Variants in NUP210L observed in about 807,000 individuals in gnomAD.
The protein encoded by NUP210L is nuclear pore membrane glycoprotein 210-like.
A neutral mutation model predicts 208.5 loss-of-function variants in NUP210L; 74 were observed. That is an observed-to-expected ratio of 0.35 (90% CI 0.29 to 0.43). The LOEUF (loss-of-function observed/expected upper bound fraction) is 0.43. Ranked by LOEUF, NUP210L falls within the 20% of genes least tolerant of loss-of-function variation. NUP210L has a pLI of 1.00. For missense variants in NUP210L, 1,843 were observed against 2,289.4 expected, an observed-to-expected ratio of 0.81 and a Z score of 3.98; for synonymous variants, 780 against 816.9, an observed-to-expected ratio of 0.95 and a Z score of 0.77.
At chr1:154,109,319 G>A (rs1290413105) in intron 12 of NUP210L, among the ~76,000 whole-genome samples, 2 of 151,468 alleles carry the variant, frequency 1.3e-5, no homozygotes, top group African/African-American at 4.9e-5. Flanking sequence ...AATGATAAAG[G>A]GGTCAATTCA....
chr1:154,025,991 G>C (rs1347736354), intron 29 of NUP210L, among the ~76,000 whole-genome samples: 1 of 152,084 alleles, frequency 6.6e-6, no homozygotes, highest in Non-Finnish European at 1.5e-5. Context: ...GGGAGGCCAA[G>C]GCGGGAGGAT....
chr1:154,056,946 G>C, exon 23 of NUP210L: 1 of 1,608,230 alleles, frequency 6.2e-7, no homozygotes, highest in South Asian at 1.1e-5. Context: ...TGCTCCATTG[G>C]TCTGCAAAAA....
chr1:154,070,309 C>A (rs761493484), exon 17 of NUP210L: 1 of 1,610,788 alleles, frequency 6.2e-7, no homozygotes, highest in African/African-American at 1.3e-5. Context: ...TCATCTTTTG[C>A]TACCATTTCC....
chr1:154,016,752 T>A (rs922893350), intron 33 of NUP210L, among the ~76,000 whole-genome samples: 2 of 152,080 alleles, frequency 1.3e-5, no homozygotes, highest in African/African-American at 2.4e-5. Flanking sequence ...GAGACCAGCA[T>A]GGGCAACATG....
At chr1:154,154,808 A>G (rs756028344) in intron 1 of NUP210L, 34 bp downstream of exon 1, 1 of 1,524,852 alleles carries the variant, frequency 6.6e-7, no homozygotes, top group Non-Finnish European at 9.1e-7. Context: ...GATGGTAGTG[A>G]GGGTGCATAT....
chr1:154,154,871 C>T, exon 1 of NUP210L: 8 of 1,614,198 alleles, frequency 5.0e-6, no homozygotes, highest in Non-Finnish European at 5.9e-6. Context: ...GGGCCTCCAG[C>T]AGGAAAGGCA....
rs189349261 is a variant in NUP210L, at chr1:154,037,708, G to A, written c.3697-7654C>T. Among the ~76,000 whole-genome samples the A allele has an allele frequency of 8.6e-5, 13 of 151,662 alleles. No individual in the cohort carries two copies. In the East Asian group the frequency reaches 1.9e-3, roughly 23 times the overall value. On this transcript the variant is annotated intron_variant, in intron 27 of 39. Transcript: ENST00000368559. ...TTTTTGAGATGGAGACTTGCTCCTCGCCCAGGCTGGAGTGCAGTGGCGTGA... is the reference window on the plus strand; with the variant it reads ...TTTTTGAGATGGAGACTTGCTCCTCACCCAGGCTGGAGTGCAGTGGCGTGA...
intron 6 of NUP210L, among the ~76,000 whole-genome samples, chr1:154,137,420 T>C (rs1658603520): frequency 6.6e-6 from 1 of 151,696 alleles, no homozygotes; most frequent in African/African-American, 2.4e-5. Context: ...GGCATGGTGG[T>C]GCACACCTGT....
intron 16 of NUP210L, among the ~76,000 whole-genome samples, chr1:154,075,936 T>C (rs1442558204): frequency 6.6e-6 from 1 of 151,710 alleles, no homozygotes; most frequent in Non-Finnish European, 1.5e-5. Flanking sequence ...ACTACAGGCA[T>C]GCACCACCAT....
chr1:154,139,748 G>T (rs149587439), intron 5 of NUP210L, 54 bp downstream of exon 5: 1 of 1,369,268 alleles, frequency 7.3e-7, no homozygotes, highest in Non-Finnish European at 1.0e-6. Context: ...AACAGAGTTA[G>T]ACCATATCTT....
At chr1:154,103,738 A>C (rs894985548) in intron 13 of NUP210L, among the ~76,000 whole-genome samples, 1 of 152,048 alleles carries the variant, frequency 6.6e-6, no homozygotes, top group Non-Finnish European at 1.5e-5. Context: ...AAAAACAAAC[A>C]AACAAAAAAC....
At chr1:154,120,596 T>C (rs1657567507) in intron 10 of NUP210L, among the ~76,000 whole-genome samples, 1 of 149,060 alleles carries the variant, frequency 6.7e-6, no homozygotes, top group Non-Finnish European at 1.5e-5. Flanking sequence ...CTGCACATTG[T>C]GCACATGTAC....
At chr1:154,107,736 G>T (rs535101687) in intron 12 of NUP210L, among the ~76,000 whole-genome samples, 1 of 151,834 alleles carries the variant, frequency 6.6e-6, no homozygotes, top group African/African-American at 2.4e-5. Context: ...GCATGGTGGC[G>T]CATGCTATAA....
Position 154,129,412 on chromosome 1 carries a change from AAAAC to A in NUP210L, c.1010-71_1010-68del, listed in dbSNP as rs1446674779. ...TGAAAAGGTGAGGTACCAAAGGAGA[AAAAC>A]AAACAAACAAACAAATGCACAAATG... is the stretch of plus-strand genomic sequence containing the variant. On this transcript the variant is annotated intron_variant, in intron 7 of 39. Transcript: ENST00000368559. 1.8e-4 allele frequency: 170 copies of A among 925,456 alleles called. 2 individuals carry two copies. The highest frequency in any genetic ancestry group is 1.4e-3 in the South Asian group (97 of 70,716). The allele number at this position is 925,456 out of a possible 1,614,324, so 57.3% of individuals were successfully genotyped here.
chr1:154,053,913 T>C (rs937977592), intron 25 of NUP210L, among the ~76,000 whole-genome samples: 1 of 152,228 alleles, frequency 6.6e-6, no homozygotes, highest in African/African-American at 2.4e-5. Context: ...GTCTTGGCAA[T>C]GTACCCCATA....
rs1478428259 is a variant in NUP210L, at chr1:154,012,495, T to C, written c.4654-125A>G. 44 of 858,098 alleles carry C rather than the reference T, an allele frequency of 5.1e-5. No individual in the cohort carries two copies. The South Asian group carries it at 7.9e-4, about 15-fold the overall frequency. 53.2% of individuals were successfully genotyped at this position (858,098 alleles called of 1,614,324 possible). Reference sequence around the variant, plus strand: ...TCACACAAGTACAGATTCCATCTCATGACCACATATTTGAGAACAACAAAA... The same window carrying C: ...TCACACAAGTACAGATTCCATCTCACGACCACATATTTGAGAACAACAAAA... On this transcript the variant is annotated intron_variant, in intron 33 of 39. Transcript: ENST00000368559.
rs1651596425 is a variant in NUP210L, at chr1:154,022,038, G to A, written c.4516+88C>T. 2.5e-6 allele frequency: 3 copies of A among 1,206,978 alleles called. No homozygotes were observed. The African/African-American group carries it at 4.5e-5, about 18-fold the overall frequency. 74.8% of individuals were successfully genotyped at this position (1,206,978 alleles called of 1,614,324 possible). ...GTATAAACCACTATACCAGTCCAAGGGATTAATAACTGCTTTTTTTTTTAA... is the reference window on the plus strand; with the variant it reads ...GTATAAACCACTATACCAGTCCAAGAGATTAATAACTGCTTTTTTTTTTAA... On this transcript the variant is annotated intron_variant, in intron 32 of 39. Transcript: ENST00000368559.
rs149214100 is a variant in NUP210L at position 154,128,432 on chromosome 1, C to T, written c.1078+845G>A. Among the ~76,000 whole-genome samples, 1,473 of 152,212 alleles carry T rather than the reference C, an allele frequency of 9.7e-3. 15 individuals are homozygous for T. The highest frequency in any genetic ancestry group is 0.013 in the Non-Finnish European group (884 of 68,012). ...CCCAGGAATTGGAGGCTACAGTGGG[C>T]TGTAGCCCATTGCATTCCAGCCTGG... On this transcript the variant is annotated intron_variant, in intron 8 of 39. Transcript: ENST00000368559.
At chr1:154,056,969 C>T in intron 22 of NUP210L, 22 bp from the exon 23 acceptor site, 1 of 1,603,834 alleles carries the variant, frequency 6.2e-7, no homozygotes, top group Non-Finnish European at 8.5e-7. Context: ...CATGTATTTT[C>T]AGGTGAGAAA....
Sources: gnomAD v4.1 joint callset for allele counts (sites outside exome capture counted in the v4.1 genomes callset) on GRCh38, gnomAD v4.1.1 for gene constraint, MANE v1.5 for transcripts, NCBI Gene and HGNC (gene_info 2026-07-23, HGNC 2026-07-21) for gene names.